The following VPS16 variants were observed in gnomAD, a reference collection of about 807,000 sequenced individuals.
The protein encoded by VPS16 is VPS16 core subunit of CORVET and HOPS complexes, also known as vacuolar protein sorting-associated protein 16 homolog.
Under a neutral mutation model 116.0 loss-of-function variants are expected in VPS16, and 82 were observed. The observed-to-expected ratio is 0.71, with a 90% CI of 0.59 to 0.85. The LOEUF is 0.85. VPS16 is among the 40% of genes least tolerant of loss of function. The pLI, the probability that VPS16 is intolerant of heterozygous loss-of-function variation, is 0.00. For missense variants in VPS16, 928 were observed against 1,090.6 expected (o/e 0.85, Z 2.10); for synonymous variants, 406 against 420.7 (o/e 0.96, Z 0.43).
chr20:2,854,964 T>A (rs1421167447), intron 1 of VPS16, among the ~76,000 whole-genome samples: 1 of 133,876 alleles, frequency 7.5e-6, no homozygotes, highest in Admixed American at 7.5e-5. Context: ...GCAGTAATTT[T>A]TTTTTTTTTT....
intron 1 of VPS16, among the ~76,000 whole-genome samples, chr20:2,849,545 C>T (rs548334393): frequency 3.3e-5 from 5 of 152,052 alleles, no homozygotes; most frequent in Admixed American, 6.6e-5. Flanking sequence ...GTGATCTGCC[C>T]GCCTCTGCCT....
intron 11 of VPS16, 137 bp from the exon 12 acceptor site, chr20:2,862,442 G>A: frequency 2.1e-6 from 3 of 1,460,862 alleles, no homozygotes; most frequent in Non-Finnish European, 1.8e-6. Flanking sequence ...TGGATTGAGT[G>A]GGCTGAGGGA....
intron 1 of VPS16, among the ~76,000 whole-genome samples, chr20:2,856,946 T>A (rs2325974): frequency 6.6e-6 from 1 of 151,560 alleles, no homozygotes; most frequent in Non-Finnish European, 1.5e-5. Flanking sequence ...ATGATCTTTT[T>A]CCCCTATATG....
chr20:2,852,599 A>G (rs1424428944), intron 1 of VPS16, among the ~76,000 whole-genome samples: 4 of 152,232 alleles, frequency 2.6e-5, no homozygotes, highest in Admixed American at 6.5e-5. Flanking sequence ...TATAATGAAT[A>G]TTGCAAAACA....
intron 1 of VPS16, among the ~76,000 whole-genome samples, chr20:2,855,144 A>G (rs900951674): frequency 6.6e-6 from 1 of 151,762 alleles, no homozygotes; most frequent in African/African-American, 2.4e-5. Context: ...TATTTTTAGT[A>G]GAGGCGGGGT....
At chr20:2,851,170 A>G (rs577513705) in intron 1 of VPS16, among the ~76,000 whole-genome samples, 7 of 152,218 alleles carry the variant, frequency 4.6e-5, no homozygotes, top group African/African-American at 1.7e-4. Flanking sequence ...CTGGTCTATA[A>G]TATCAGACAA....
intron 1 of VPS16, among the ~76,000 whole-genome samples, chr20:2,841,512 G>T (rs1296333787): frequency 1.3e-5 from 2 of 152,132 alleles, no homozygotes; most frequent in African/African-American, 4.8e-5. Context: ...GAATTACAAG[G>T]CCCTAACCAG....
intron 11 of VPS16, chr20:2,862,355 C>T (rs2089239507): frequency 1.9e-6 from 2 of 1,045,456 alleles, no homozygotes. Flanking sequence ...GTCTGGGTTA[C>T]TATTGGGAGG....
intron 1 of VPS16, among the ~76,000 whole-genome samples, chr20:2,854,238 T>TACACACACACACACAC (rs150363426): frequency 0.014 from 2,005 of 139,878 alleles, 37 homozygotes; most frequent in Middle Eastern, 0.067. Context: ...ACCCCGTCTC[T>TACACACACACACACAC]ACACACACAC....
intron 1 of VPS16, among the ~76,000 whole-genome samples, chr20:2,843,771 T>G (rs2146641118): frequency 6.6e-6 from 1 of 152,320 alleles, no homozygotes; most frequent in East Asian, 1.9e-4. Flanking sequence ...TAATAAGGTT[T>G]TAAAAGAATG....
At chr20:2,857,867 C>T (rs6138919) in intron 1 of VPS16, among the ~76,000 whole-genome samples, 32,662 of 151,730 alleles carry the variant, frequency 0.22, 3,972 homozygotes, top group East Asian at 0.37. Flanking sequence ...CCCACCACCA[C>T]GCCTGGCTAA....
chr20:2,858,198 G>A (rs1361448185), intron 1 of VPS16, among the ~76,000 whole-genome samples: 4 of 150,762 alleles, frequency 2.7e-5, no homozygotes, highest in Admixed American at 6.6e-5. Flanking sequence ...AGGTTCAAGC[G>A]ATCCTCCTGC....
At position 2,862,658 on chromosome 20, in the gene VPS16, T is replaced by C; in HGVS notation, c.1151T>C (p.Ile384Thr). Residue 384 changes from isoleucine to threonine, a missense_variant, in exon 12 of 24, where the codon ATT becomes ACT. Transcript: ENST00000380445. ...CTGACCCAGGCCGTGCAGCAGTGCA[T>C]TGAGGCTGCAGGACATGAGCACCAG... is the stretch of plus-strand genomic sequence containing the variant. Reference protein sequence around the residue: ...GQLTQAVQQCIEAAGHEHQPD... With the variant: ...GQLTQAVQQCTEAAGHEHQPD... 2 of 1,612,706 alleles carry C rather than the reference T, an allele frequency of 1.2e-6. No homozygotes were observed. Among genetic ancestry groups the C allele is most frequent in the Non-Finnish European group, 1.7e-6 (2 of 1,179,894 alleles).
At chr20:2,858,144 G>C (rs1276520459) in intron 1 of VPS16, among the ~76,000 whole-genome samples, 1 of 151,728 alleles carries the variant, frequency 6.6e-6, no homozygotes, top group African/African-American at 2.4e-5. Flanking sequence ...ACCCAGGCTG[G>C]AGTGCAGTGA....
rs920064549 is a variant in VPS16 at position 2,861,679 on chromosome 20, G to A, written c.874G>A (p.Val292Met). The A allele has an allele frequency of 6.2e-7, 1 of 1,613,176 alleles. No homozygotes were observed. Among genetic ancestry groups the A allele is most frequent in the Non-Finnish European group, 8.5e-7 (1 of 1,179,902 alleles). The change falls in exon 9 of 24, where the codon GTG becomes ATG. Residue 292 changes from valine (V) to methionine (M), a missense_variant. Coordinates refer to ENST00000380445, the MANE Select transcript of VPS16 (RefSeq NM_022575.4). Reference protein sequence around the residue: ...VVAWERRLMVVGDAPESIQFV... With the variant: ...VVAWERRLMVMGDAPESIQFV... ...GGCCTGGGAAAGGCGGCTGATGGTG[G>A]TGGGCGATGCACCCGAGAGCATCCA...
intron 1 of VPS16, among the ~76,000 whole-genome samples, chr20:2,846,412 C>T (rs1216590371): frequency 2.6e-5 from 4 of 151,766 alleles, no homozygotes; most frequent in Non-Finnish European, 5.9e-5. Context: ...CCATTGCACC[C>T]GGCCTCTGTA....
Position 2,865,397 on chromosome 20 carries a change from A to G in VPS16, c.2175-2A>G, listed in dbSNP as rs758590535. 5 of 1,614,098 alleles carry G rather than the reference A, an allele frequency of 3.1e-6. No homozygotes were observed. The highest frequency in any genetic ancestry group is 4.2e-6 in the Non-Finnish European group (5 of 1,179,972). ...ACACCTCCAAGCCCAGCTTTCCTGCAGGCTCTGGTGGCTGAAGCTGACTGC... is the reference window on the plus strand; with the variant it reads ...ACACCTCCAAGCCCAGCTTTCCTGCGGGCTCTGGTGGCTGAAGCTGACTGC... On this transcript the variant is annotated splice_acceptor_variant, in intron 21 of 23. Transcript: ENST00000380445. LOFTEE classifies it high-confidence loss of function. This position sits in a 1 kb window ranked among gnomAD's most constrained non-coding sequence, Gnocchi z 5.2.
rs372092816 is a variant in VPS16 at position 2,862,920 on chromosome 20, G to T, written c.1317G>T (p.Pro439=). ...NAVRDYHIGI[P]LTYSQYKQLT... ...TTCGGGACTATCACATCGGGATCCCGCTCACCTATAGCCAGTATCCCTGTG... is the reference window on the plus strand; with the variant it reads ...TTCGGGACTATCACATCGGGATCCCTCTCACCTATAGCCAGTATCCCTGTG... Residue 439 remains proline (P), a synonymous_variant, in exon 13 of 24, where the codon CCG becomes CCT. Transcript: ENST00000380445. 26 of 1,613,836 alleles carry T rather than the reference G, an allele frequency of 1.6e-5. No individual in the cohort carries two copies. The highest frequency in any genetic ancestry group is 2.0e-5 in the Non-Finnish European group (24 of 1,179,978).
chr20:2,841,074 A>C (rs2088965803), intron 1 of VPS16: 1 of 547,034 alleles, frequency 1.8e-6, no homozygotes, highest in African/African-American at 2.0e-5. Context: ...TAGCCTCCGG[A>C]AAGATGCTCA....
Sources: allele counts gnomAD v4.1 joint callset (sites outside exome capture counted in the v4.1 genomes callset), GRCh38; gene constraint gnomAD v4.1.1; non-coding constraint Gnocchi (gnomAD v3.1); transcripts MANE v1.5; gene names NCBI Gene and HGNC (gene_info 2026-07-23, HGNC 2026-07-21).